The following METTL24 variants were observed in gnomAD, a reference collection of about 807,000 sequenced individuals.
The protein encoded by METTL24 is probable methyltransferase-like protein 24.
In METTL24, 29 loss-of-function variants were observed where a neutral mutation model predicts 32.7. The observed-to-expected ratio is 0.89, with a 90% CI of 0.66 to 1.21. The LOEUF (loss-of-function observed/expected upper bound fraction) is 1.21, where lower values mean the gene tolerates loss of function less well. Ranked by LOEUF, METTL24 falls within the 50% of genes most tolerant of loss-of-function variation. METTL24 has a pLI of 0.00. For missense variants in METTL24, 439 were observed against 468.1 expected, an observed-to-expected ratio of 0.94 and a Z score of 0.57; for synonymous variants, 163 against 179.5, an observed-to-expected ratio of 0.91 and a Z score of 0.73.
chr6:110,253,364 G>A (rs923321389), intron 4 of METTL24, among the ~76,000 whole-genome samples: 4 of 152,182 alleles, frequency 2.6e-5, no homozygotes, highest in Admixed American at 2.6e-4. Context: ...CTACGAGAGA[G>A]CATCAAAGGA....
chr6:110,309,450 T>C (rs1330228546), intron 3 of METTL24, among the ~76,000 whole-genome samples: 5 of 152,186 alleles, frequency 3.3e-5, no homozygotes, highest in Non-Finnish European at 7.4e-5. Flanking sequence ...CTAAAACATA[T>C]CCTCAACAGG....
At chr6:110,318,396 C>T (rs1771865474) in intron 2 of METTL24, among the ~76,000 whole-genome samples, 1 of 151,978 alleles carries the variant, frequency 6.6e-6, no homozygotes, top group Non-Finnish European at 1.5e-5. Context: ...GCCTGTAATC[C>T]CAGCACTTTG....
chr6:110,328,314 A>G (rs1408210483), intron 1 of METTL24, among the ~76,000 whole-genome samples: 2 of 152,258 alleles, frequency 1.3e-5, no homozygotes, highest in Non-Finnish European at 2.9e-5. Context: ...GACAATGTGC[A>G]TTGAAAAGTG....
rs1772458155 is a variant in METTL24, at chr6:110,345,656, GT to G, written c.318+12298del. On this transcript the variant is annotated intron_variant, in intron 1 of 4. Coordinates refer to ENST00000338882, the MANE Select transcript of METTL24 (RefSeq NM_001123364.3). ...ATGAAGGGAGCTGGAGGCCATTACTGTTAGTAAACTAATACAGGAACAGAAA... is the reference window on the plus strand; with the variant it reads ...ATGAAGGGAGCTGGAGGCCATTACTGTAGTAAACTAATACAGGAACAGAAA... Among the ~76,000 whole-genome samples, 3 of 152,170 alleles carry G rather than the reference GT, an allele frequency of 2.0e-5. No individual in the cohort carries two copies. In the South Asian group the frequency reaches 6.2e-4, roughly 32 times the overall value.
At chr6:110,295,013 CTTTTTTTTTTT>C (rs1195740747) in intron 4 of METTL24, among the ~76,000 whole-genome samples, 1 of 78,144 alleles carries the variant, frequency 1.3e-5, no homozygotes, top group African/African-American at 5.5e-5. Flanking sequence ...TTCTTTCTTT[CTTTTTTTTTTT>C]TTTTTTTTTT....
chr6:110,335,506 A>G (rs1212111607), intron 1 of METTL24, among the ~76,000 whole-genome samples: 1 of 152,060 alleles, frequency 6.6e-6, no homozygotes, highest in Non-Finnish European at 1.5e-5. Context: ...ACAGAATACA[A>G]AAGACACAAA....
intron 1 of METTL24, among the ~76,000 whole-genome samples, chr6:110,323,126 GT>G (rs1342002104): frequency 3.9e-5 from 6 of 152,182 alleles, no homozygotes; most frequent in African/African-American, 4.8e-5. Flanking sequence ...CCCCAGGACT[GT>G]CTGACTCTGC....
chr6:110,336,469 G>A (rs867284079), intron 1 of METTL24, among the ~76,000 whole-genome samples: 6 of 152,220 alleles, frequency 3.9e-5, no homozygotes, highest in East Asian at 1.9e-4. Context: ...AGCTGGGCGC[G>A]GTGGCTCATG....
At position 110,358,212 on chromosome 6, in the gene METTL24, C is replaced by A. The variant is rs1203103275; in HGVS notation, c.61G>T (p.Ala21Ser). ...CGVLRRCLLG[A>S]VLLFGLRLCA... ...AGCCGCAGGCCGAACAACAGCACAG[C>A]CCCGAGTAGACACCGGCGCAGGACG... is the stretch of plus-strand genomic sequence containing the variant. Residue 21 changes from alanine to serine, a missense_variant, in exon 1 of 5, where the codon GCT becomes TCT. Ala to Ser is a moderately conservative substitution (Grantham distance 99). Coordinates refer to ENST00000338882, the MANE Select transcript of METTL24 (RefSeq NM_001123364.3). 1 of 1,481,314 alleles carries A rather than the reference C, an allele frequency of 6.8e-7. No homozygotes were observed. The highest frequency in any genetic ancestry group is 2.4e-4 in the Middle Eastern group (1 of 4,218). The allele number at this position is 1,481,314 out of a possible 1,614,324, so 91.8% of individuals were successfully genotyped here.
intron 4 of METTL24, among the ~76,000 whole-genome samples, chr6:110,292,289 T>A (rs1771334134): frequency 6.6e-6 from 1 of 152,262 alleles, no homozygotes; most frequent in South Asian, 2.1e-4. Flanking sequence ...ATTTGCAATG[T>A]GATAGATATT....
intron 4 of METTL24, among the ~76,000 whole-genome samples, chr6:110,263,154 C>T (rs1770782013): frequency 6.6e-6 from 1 of 152,086 alleles, no homozygotes; most frequent in East Asian, 1.9e-4. Flanking sequence ...AAAGGGTATT[C>T]AATTAGGAAA....
intron 4 of METTL24, among the ~76,000 whole-genome samples, chr6:110,289,429 A>G (rs1162276358): frequency 2.0e-5 from 3 of 152,206 alleles, no homozygotes; most frequent in East Asian, 3.8e-4. Flanking sequence ...CTAGAAAAGA[A>G]CAGATGGATA....
intron 4 of METTL24, among the ~76,000 whole-genome samples, chr6:110,277,447 G>A (rs1284204025): frequency 6.6e-6 from 1 of 152,164 alleles, no homozygotes. Flanking sequence ...CTTCATTTTA[G>A]GAGCCTGAAG....
At chr6:110,268,695 A>G (rs1770902916) in intron 4 of METTL24, among the ~76,000 whole-genome samples, 1 of 152,094 alleles carries the variant, frequency 6.6e-6, no homozygotes, top group Non-Finnish European at 1.5e-5. Flanking sequence ...CATTCCTATT[A>G]ACTTCATAGG....
chr6:110,301,677 C>G (rs1056801461), intron 3 of METTL24, among the ~76,000 whole-genome samples: 2 of 152,168 alleles, frequency 1.3e-5, no homozygotes, highest in Non-Finnish European at 2.9e-5. Flanking sequence ...TGCAGACATA[C>G]AAGCAACAGT....
chr6:110,256,912 T>C (rs371200742), intron 4 of METTL24, among the ~76,000 whole-genome samples: 8 of 152,326 alleles, frequency 5.3e-5, no homozygotes, highest in African/African-American at 1.9e-4. Flanking sequence ...TCATGTCACT[T>C]CCTTCTTGTG....
chr6:110,323,743 T>G (rs1582426008), intron 1 of METTL24, among the ~76,000 whole-genome samples: 1 of 149,988 alleles, frequency 6.7e-6, no homozygotes, highest in Non-Finnish European at 1.5e-5. Context: ...TCGTGCAGGG[T>G]AGGGAAGGGC....
intron 1 of METTL24, among the ~76,000 whole-genome samples, chr6:110,341,390 T>C (rs1452435109): frequency 6.6e-6 from 1 of 152,248 alleles, no homozygotes; most frequent in East Asian, 1.9e-4. Flanking sequence ...TGTAGCTATC[T>C]GCTCCTGATT....
intron 1 of METTL24, among the ~76,000 whole-genome samples, chr6:110,338,245 C>T (rs572089770): frequency 6.6e-6 from 1 of 152,230 alleles, no homozygotes; most frequent in South Asian, 2.1e-4. Flanking sequence ...ACCTGTAATC[C>T]CAGCACTTTG....
Sources: gnomAD v4.1 joint callset for allele counts (sites outside exome capture counted in the v4.1 genomes callset) on GRCh38, gnomAD v4.1.1 for gene constraint, MANE v1.5 for transcripts, NCBI Gene and HGNC (gene_info 2026-07-23, HGNC 2026-07-21) for gene names.